Variants in SLC15A1 observed in about 807,000 individuals in gnomAD.
The protein encoded by SLC15A1 is Caco-2 oligopeptide transporter.
A neutral mutation model predicts 92.9 loss-of-function variants in SLC15A1; 83 were observed. The ratio of observed to expected loss-of-function variants is 0.89; its 90% CI spans 0.75 to 1.07. The LOEUF (loss-of-function observed/expected upper bound fraction) is 1.07. SLC15A1 is among the 50% of genes least tolerant of loss of function. The pLI is 0.00. For synonymous variants in SLC15A1, 322 were observed against 318.2 expected (o/e 1.01, Z -0.13); for missense variants, 857 against 880.1 (o/e 0.97, Z 0.33).
intron 1 of SLC15A1, among the ~76,000 whole-genome samples, chr13:98,737,400 G>A (rs899552640): frequency 6.6e-5 from 10 of 152,090 alleles, no homozygotes; most frequent in Non-Finnish European, 1.5e-4. Flanking sequence ...GTAAATGACG[G>A]GTTAATGGGT....
chr13:98,746,658 C>CT (rs1387906494), intron 1 of SLC15A1, among the ~76,000 whole-genome samples: 1 of 152,202 alleles, frequency 6.6e-6, no homozygotes. Context: ...AGTTTGAGAA[C>CT]TTTTAACGAG....
chr13:98,688,673 T>C, intron 18 of SLC15A1, 96 bp from the exon 19 acceptor site: 1 of 820,232 alleles, frequency 1.2e-6, no homozygotes. Context: ...ACTCCCTATT[T>C]TGAAGGAGTT....
intron 6 of SLC15A1, 105 bp from the exon 7 acceptor site, chr13:98,721,690 A>C: frequency 7.7e-7 from 1 of 1,296,012 alleles, no homozygotes. Flanking sequence ...TTGGTATCTT[A>C]CTTTCTAATG....
At chr13:98,742,044 G>A (rs1412276325) in intron 1 of SLC15A1, among the ~76,000 whole-genome samples, 3 of 152,198 alleles carry the variant, frequency 2.0e-5, no homozygotes, top group Admixed American at 6.5e-5. Context: ...CCTTGCACGT[G>A]GGCCACTGGG....
intron 1 of SLC15A1, among the ~76,000 whole-genome samples, chr13:98,735,905 G>A (rs1415621734): frequency 1.3e-5 from 2 of 152,132 alleles, no homozygotes; most frequent in African/African-American, 4.8e-5. Context: ...TCATGAAAAT[G>A]GACATACTGC....
rs764058347 is a variant in SLC15A1 at position 98,686,219 on chromosome 13, C to T, written c.1906G>A (p.Val636Met). The change falls in exon 22 of 23, where the codon GTG becomes ATG. Residue 636 changes from valine to methionine, a missense_variant. Val to Met is a conservative substitution (Grantham distance 21). Transcript: ENST00000376503. ...VAVGNIIVLIVAGAGQFSKQW... is the reference protein window; with the variant it reads ...VAVGNIIVLIMAGAGQFSKQW... Reference sequence around the variant, plus strand: ...TTGCTGAACTGGCCTGCCCCTGCCACGATGAGCACAATGATGTTGCCAACA... The same window carrying T: ...TTGCTGAACTGGCCTGCCCCTGCCATGATGAGCACAATGATGTTGCCAACA... 9 of 1,613,770 alleles carry T rather than the reference C, an allele frequency of 5.6e-6. No homozygotes were observed. Among genetic ancestry groups the T allele is most frequent in the Admixed American group, 1.7e-5 (1 of 59,978 alleles).
At chr13:98,744,679 G>A (rs2088478311) in intron 1 of SLC15A1, among the ~76,000 whole-genome samples, 1 of 145,598 alleles carries the variant, frequency 6.9e-6, no homozygotes, top group African/African-American at 2.6e-5. Context: ...AACCTGGGAG[G>A]CAGAGGTTGC....
Position 98,688,559 on chromosome 13 carries a change from G to C in SLC15A1, c.1485C>G (p.Asn495Lys). The change falls in exon 19 of 23, where the codon AAC becomes AAG. Residue 495 changes from asparagine (N) to lysine (K), a missense_variant. Transcript: ENST00000376503. ...CACTCATTGTGATGGTGATGAGCTCGTTAAAAGTATTTACAAATCTGAAAC... is the reference window on the plus strand; with the variant it reads ...CACTCATTGTGATGGTGATGAGCTCCTTAAAAGTATTTACAAATCTGAAAC... ...ENGIRFVNTF[N>K]ELITITMSGK... is the part of the protein sequence containing the mutation. The C allele has an allele frequency of 6.2e-7, 1 of 1,613,224 alleles. No homozygotes were observed. Among genetic ancestry groups the C allele is most frequent in the South Asian group, 1.1e-5 (1 of 91,032 alleles).
chr13:98,703,525 A>AGCT, intron 17 of SLC15A1, among the ~76,000 whole-genome samples: 1 of 132,754 alleles, frequency 7.5e-6, no homozygotes, highest in African/African-American at 2.9e-5. Flanking sequence ...ATACCTTTGT[A>AGCT]GCTGCTGCTG....
At chr13:98,714,974 C>A (rs879752543) in intron 9 of SLC15A1, among the ~76,000 whole-genome samples, 5 of 152,072 alleles carry the variant, frequency 3.3e-5, no homozygotes, top group Non-Finnish European at 5.9e-5. Context: ...ATGGAAGAAA[C>A]CATATTCTGC....
At chr13:98,706,789 C>T (rs1036566105) in intron 15 of SLC15A1, among the ~76,000 whole-genome samples, 7 of 152,256 alleles carry the variant, frequency 4.6e-5, no homozygotes, top group Non-Finnish European at 8.8e-5. Flanking sequence ...TCTTTATCAG[C>T]AGCATGAGAA....
intron 1 of SLC15A1, among the ~76,000 whole-genome samples, chr13:98,732,049 A>C (rs2088354439): frequency 6.6e-6 from 1 of 152,224 alleles, no homozygotes; most frequent in Non-Finnish European, 1.5e-5. Flanking sequence ...TCTTATCTTA[A>C]TGTACCTGTG....
In SLC15A1 at chr13:98,735,886, G is replaced by T. The variant is rs150420910; in HGVS notation, c.5-9027C>A. ...AACATTCTATGCTCATGCACAGGAA[G>T]AATTAATATCATGAAAATGGACATA... On this transcript the variant is annotated intron_variant, in intron 1 of 22. Transcript: ENST00000376503. Among the ~76,000 whole-genome samples the T allele has an allele frequency of 3.3e-4, 50 of 152,274 alleles. No individual in the cohort carries two copies. The East Asian group carries it at 8.5e-3, about 26-fold the overall frequency.
chr13:98,704,849 A>G (rs751944679), intron 16 of SLC15A1, among the ~76,000 whole-genome samples: 1 of 152,186 alleles, frequency 6.6e-6, no homozygotes, highest in Non-Finnish European at 1.5e-5. Flanking sequence ...ACAAGGTCTA[A>G]GGTTGTGGTG....
rs373660111 is a variant in SLC15A1 at position 98,726,252 on chromosome 13, A to G, written c.116T>C (p.Leu39Pro). 6.2e-7 allele frequency: 1 copy of G among 1,614,068 alleles called. No individual in the cohort carries two copies. Among genetic ancestry groups the G allele is most frequent in the Non-Finnish European group, 8.5e-7 (1 of 1,180,034 alleles). ...SYYGMRAILILYFTNFISWDD... is the reference protein window; with the variant it reads ...SYYGMRAILIPYFTNFISWDD... Reference sequence around the variant, plus strand: ...CCAGCTGATGAAATTTGTGAAGTACAGAATCAGGATTGCTTTTGCAGAGGG... The same window carrying G: ...CCAGCTGATGAAATTTGTGAAGTACGGAATCAGGATTGCTTTTGCAGAGGG... The change falls in exon 4 of 23, where the codon CTG becomes CCG. Residue 39 changes from leucine (L) to proline (P), a missense_variant. Leu to Pro is a moderately conservative substitution (Grantham distance 98). Coordinates refer to ENST00000376503, the MANE Select transcript of SLC15A1 (RefSeq NM_005073.4).
chr13:98,709,866 C>G lies in SLC15A1; in HGVS notation c.945+1G>C, dbSNP rs906718093. 1.9e-6 allele frequency: 3 copies of G among 1,614,178 alleles called. No individual in the cohort carries two copies. The highest frequency in any genetic ancestry group is 1.1e-5 in the South Asian group (1 of 91,088). On this transcript the variant is annotated splice_donor_variant, in intron 12 of 22. Transcript: ENST00000376503. LOFTEE classifies it high-confidence loss of function. ...AACTAAAACAAAGGAGTCAAACTTA[C>G]GATTTTCCCGGACATAGTTGTTGCC...
chr13:98,714,145 C>T (rs1471379648), intron 9 of SLC15A1, among the ~76,000 whole-genome samples: 1 of 151,608 alleles, frequency 6.6e-6, no homozygotes, highest in African/African-American at 2.4e-5. Context: ...CCCTAAATAG[C>T]TTGAAGTTGT....
intron 7 of SLC15A1, chr13:98,720,432 CAAAACAAGTTGGAAAAAAACAAAAAAT>C (rs1271830107): frequency 6.6e-6 from 1 of 152,154 alleles, no homozygotes; most frequent in Non-Finnish European, 1.5e-5. Context: ...CATTTTTATA[CAAAACAAGTTGGAAAAAAACAAAAAAT>C]AAAACAAGTT....
intron 9 of SLC15A1, among the ~76,000 whole-genome samples, chr13:98,714,568 T>C (rs2088196429): frequency 6.9e-6 from 1 of 144,968 alleles, no homozygotes; most frequent in Non-Finnish European, 1.5e-5. Flanking sequence ...GGCAGGAGAA[T>C]CGCTTGAACT....
Sources: allele counts gnomAD v4.1 joint callset (sites outside exome capture counted in the v4.1 genomes callset), GRCh38; gene constraint gnomAD v4.1.1; transcripts MANE v1.5; gene names NCBI Gene and HGNC (gene_info 2026-07-23, HGNC 2026-07-21).